TANC2: variants seen among roughly 807,000 people sequenced by gnomAD.
The protein encoded by TANC2 is protein TANC2.
A neutral mutation model predicts 210.5 loss-of-function variants in TANC2; 26 were observed. That is an observed-to-expected ratio of 0.12 (90% CI 0.09 to 0.17). The LOEUF is 0.17. Among genes scored for constraint, TANC2 ranks in the 10% least tolerant of loss-of-function variants. The pLI, the probability that TANC2 is intolerant of heterozygous loss-of-function variation, is 1.00. For synonymous variants in TANC2, 931 were observed against 967.1 expected, an observed-to-expected ratio of 0.96 and a Z score of 0.69; for missense variants, 2,129 against 2,608.9, an observed-to-expected ratio of 0.82 and a Z score of 4.01.
intron 7 of TANC2, among the ~76,000 whole-genome samples, chr17:63,211,044 A>G (rs557921872): frequency 2.0e-5 from 3 of 152,180 alleles, no homozygotes; most frequent in African/African-American, 7.2e-5. Flanking sequence ...TTCATCCTTC[A>G]TAGCATTGCT....
Position 63,411,991 on chromosome 17 carries a change from G to A in TANC2, c.3766-7G>A. 6.2e-7 allele frequency: 1 copy of A among 1,613,832 alleles called. No individual in the cohort carries two copies. Among genetic ancestry groups the A allele is most frequent in the East Asian group, 2.2e-5 (1 of 44,848 alleles). On this transcript the variant is annotated splice_polypyrimidine_tract_variant and splice_region_variant and intron_variant, in intron 22 of 27. Coordinates refer to ENST00000689528, the Ensembl canonical transcript of TANC2. ...GTCCTAACTTCTCTGCTTGATCCGT[G>A]TCCTAGGTCCAGTTCCTGGTAGATC...
At chr17:63,053,476 C>CAGTATTCT (rs761656899) in intron 2 of TANC2, among the ~76,000 whole-genome samples, 2 of 152,212 alleles carry the variant, frequency 1.3e-5, no homozygotes, top group Non-Finnish European at 2.9e-5. Flanking sequence ...CCTATTCTCA[C>CAGTATTCT]AGTATTCTCC....
At chr17:63,355,526 C>A in intron 14 of TANC2, 136 bp downstream of exon 14, 3 of 1,016,138 alleles carry the variant, frequency 3.0e-6, no homozygotes, top group Non-Finnish European at 4.1e-6. Context: ...CTTCTCAAGG[C>A]AAGGCTATAA....
intron 5 of TANC2, among the ~76,000 whole-genome samples, chr17:63,184,366 T>C (rs186591565): frequency 1.8e-3 from 276 of 152,338 alleles, no homozygotes; most frequent in Non-Finnish European, 3.5e-3. Context: ...AGAATATTGT[T>C]TCATTCTCAA....
At chr17:63,229,703 C>A (rs1299429150) in intron 7 of TANC2, among the ~76,000 whole-genome samples, 1 of 151,540 alleles carries the variant, frequency 6.6e-6, no homozygotes, top group Admixed American at 6.6e-5. Context: ...GGAATTTATC[C>A]ATTTTTTCTA....
chr17:63,270,031 C>A (rs1011774206), intron 9 of TANC2, among the ~76,000 whole-genome samples: 1 of 152,128 alleles, frequency 6.6e-6, no homozygotes, highest in African/African-American at 2.4e-5. Flanking sequence ...TTGAAGTCAT[C>A]TTTATTTTTC....
chr17:63,002,161 T>G (rs2033415935), intron 1 of TANC2, among the ~76,000 whole-genome samples: 1 of 152,100 alleles, frequency 6.6e-6, no homozygotes, highest in Non-Finnish European at 1.5e-5. Flanking sequence ...TCCCCTGGAA[T>G]TAAGGAAGCT....
intron 9 of TANC2, among the ~76,000 whole-genome samples, chr17:63,302,226 T>C (rs530280066): frequency 6.6e-6 from 1 of 152,350 alleles, no homozygotes; most frequent in East Asian, 1.9e-4. Context: ...ATAAGTGCCA[T>C]GTGGCACTGA....
At chr17:63,413,522 C>G (rs536206568) in intron 24 of TANC2, 21 bp from the exon 25 acceptor site, 6 of 1,565,688 alleles carry the variant, frequency 3.8e-6, no homozygotes, top group South Asian at 1.2e-5. Flanking sequence ...TTTTACCCAT[C>G]ATGCATCCTG....
In TANC2 at chr17:63,412,721, C is replaced by A. The variant is rs1006827981; in HGVS notation, c.3928+12C>A. ...GAGTCGCCCACGAGGTATATTTCAC[C>A]GCTGTCAGCATCAGGCGTGGTCTGA... On this transcript the variant is annotated intron_variant, in intron 24 of 27. Coordinates refer to ENST00000689528, the Ensembl canonical transcript of TANC2. The surrounding 1 kb of genome is among the most constrained non-coding windows in gnomAD (Gnocchi z 4.2). 6.5e-7 allele frequency: 1 copy of A among 1,535,858 alleles called. No homozygotes were observed.
intron 4 of TANC2, among the ~76,000 whole-genome samples, chr17:63,102,680 G>A (rs932772636): frequency 2.7e-5 from 4 of 149,130 alleles, no homozygotes; most frequent in South Asian, 2.1e-4. Flanking sequence ...AGGATTGTAC[G>A]ATTTTAAACA....
chr17:63,349,217 A>T (rs1364870333), intron 12 of TANC2, among the ~76,000 whole-genome samples: 2 of 152,184 alleles, frequency 1.3e-5, no homozygotes, highest in African/African-American at 4.8e-5. Context: ...TATATCATCT[A>T]CTTTACTCAT....
intron 5 of TANC2, among the ~76,000 whole-genome samples, chr17:63,174,341 T>A (rs1037010778): frequency 6.6e-6 from 1 of 152,160 alleles, no homozygotes; most frequent in Admixed American, 6.5e-5. Flanking sequence ...TTATCCCCAC[T>A]TGGAGAAACT....
Position 63,420,277 on chromosome 17 carries a change from G to A in TANC2, c.4547G>A (p.Arg1516Gln), listed in dbSNP as rs748768315. The A allele has an allele frequency of 2.2e-5, 36 of 1,613,608 alleles. No individual in the cohort carries two copies. Among genetic ancestry groups the A allele is most frequent in the Admixed American group, 6.7e-5 (4 of 59,990 alleles). The change falls in exon 28 of 28, where the codon CGG (arginine) becomes CAG (glutamine). Residue 1516 changes from arginine to glutamine, a missense_variant. Arg to Gln is a conservative substitution (Grantham distance 43). Coordinates refer to ENST00000689528, the Ensembl canonical transcript of TANC2. The surrounding 1 kb of genome is among the most constrained non-coding windows in gnomAD (Gnocchi z 4.2). ...TCCATTGGCCTCCAGACAGAGGCCC[G>A]GCCCAGCCAGGGGCTCCCGGTCATC...
intron 2 of TANC2, among the ~76,000 whole-genome samples, chr17:63,014,422 ATC>A (rs1172323147): frequency 6.6e-6 from 1 of 152,008 alleles, no homozygotes; most frequent in African/African-American, 2.4e-5. Context: ...ACTTTCTTGT[ATC>A]TTTGTATGTC....
At chr17:63,159,620 C>T (rs1490246728) in intron 5 of TANC2, among the ~76,000 whole-genome samples, 1 of 152,098 alleles carries the variant, frequency 6.6e-6, no homozygotes, top group African/African-American at 2.4e-5. Flanking sequence ...AAAACTAATA[C>T]AAACAATATG....
exon 17 of TANC2, chr17:63,389,511 C>T (rs1359588128): frequency 6.2e-7 from 1 of 1,611,778 alleles, no homozygotes; most frequent in South Asian, 1.1e-5. Context: ...GGTACCTGAG[C>T]ATTGTGGTGC....
chr17:63,141,532 C>T (rs1418956878), intron 4 of TANC2, among the ~76,000 whole-genome samples: 1 of 150,840 alleles, frequency 6.6e-6, no homozygotes, highest in Non-Finnish European at 1.5e-5. Flanking sequence ...TGCCACTGCA[C>T]TTCAGCCTGG....
intron 18 of TANC2, chr17:63,396,360 G>A (rs1450413621): frequency 6.0e-6 from 1 of 167,208 alleles, no homozygotes; most frequent in Non-Finnish European, 1.3e-5. Context: ...CTATCTCTTA[G>A]AAGTTTAGTT....
Sources: gnomAD v4.1 joint callset for allele counts (sites outside exome capture counted in the v4.1 genomes callset) on GRCh38, gnomAD v4.1.1 for gene constraint, Gnocchi (gnomAD v3.1) non-coding constraint, MANE v1.5 for transcripts, NCBI Gene and HGNC (gene_info 2026-07-23, HGNC 2026-07-21) for gene names.